CYP7B1: variants seen among roughly 807,000 people sequenced by gnomAD.
CYP7B1 encodes the protein cytochrome P450 7B1.
CYP7B1 carries 29 observed loss-of-function variants against 42.7 expected under a neutral mutation model. That is an observed-to-expected ratio of 0.68 (90% confidence interval 0.51 to 0.93). The LOEUF (loss-of-function observed/expected upper bound fraction) is 0.93, where lower values mean the gene tolerates loss of function less well. Among genes scored for constraint, CYP7B1 ranks in the 40% least tolerant of loss-of-function variants. The pLI, the probability that CYP7B1 is intolerant of heterozygous loss-of-function variation, is 0.00. For synonymous variants in CYP7B1, 235 were observed against 218.2 expected, an observed-to-expected ratio of 1.08 and a Z score of -0.68; for missense variants, 655 against 600.5, an observed-to-expected ratio of 1.09 and a Z score of -0.95.
At chr8:64,625,983 G>A (rs1324746828) in intron 1 of CYP7B1, among the ~76,000 whole-genome samples, 1 of 152,014 alleles carries the variant, frequency 6.6e-6, no homozygotes, top group Non-Finnish European at 1.5e-5. Flanking sequence ...ATGGAGATGT[G>A]TTCTTTAGGA....
intron 1 of CYP7B1, among the ~76,000 whole-genome samples, chr8:64,643,970 T>C (rs1805907228): frequency 6.6e-6 from 1 of 152,166 alleles, no homozygotes; most frequent in Non-Finnish European, 1.5e-5. Flanking sequence ...ATTGAACCTC[T>C]CAAAGTCACC....
At chr8:64,662,018 G>T (rs953601218) in intron 1 of CYP7B1, among the ~76,000 whole-genome samples, 6 of 151,880 alleles carry the variant, frequency 4.0e-5, no homozygotes, top group African/African-American at 1.5e-4. Context: ...CACAAGGCAT[G>T]GCCCTAGCTT....
rs1181731866 is a variant in CYP7B1 at position 64,737,178 on chromosome 8, C to CTGG, written c.122+61287_122+61288insCCA. Among the ~76,000 whole-genome samples the CTGG allele has an allele frequency of 1.9e-4, 29 of 152,190 alleles. 1 individual carries two copies. Among genetic ancestry groups the CTGG allele is most frequent in the Non-Finnish European group, 2.9e-5 (2 of 68,046 alleles). On this transcript the variant is annotated intron_variant, in intron 1 of 5. Transcript: ENST00000310193. ...AGTGCAATGATATGATCATAGCTCA[C>CTGG]TGCAACCTTGAACTCCTGGACTCAA...
Position 64,683,715 on chromosome 8 carries a change from T to C in CYP7B1, c.123-59176A>G, listed in dbSNP as rs80144342. ...GCATCAAAGCATCCTGTGTACCCTA[T>C]AAATATATACACCTACTATGTACCC... On this transcript the variant is annotated intron_variant, in intron 1 of 5. Transcript: ENST00000310193. Among the ~76,000 whole-genome samples, 1,514 of 152,288 alleles carry C rather than the reference T, an allele frequency of 9.9e-3. 41 individuals carry two copies. Among genetic ancestry groups the C allele is most frequent in the East Asian group, 0.082 (423 of 5,190 alleles).
chr8:64,687,482 GA>G (rs1806673547), intron 1 of CYP7B1, among the ~76,000 whole-genome samples: 1 of 152,092 alleles, frequency 6.6e-6, no homozygotes, highest in Non-Finnish European at 1.5e-5. Flanking sequence ...GTTCTAAAAT[GA>G]AAATGTTCTA....
chr8:64,794,439 A>C (rs545258361), intron 1 of CYP7B1, among the ~76,000 whole-genome samples: 97 of 152,338 alleles, frequency 6.4e-4, no homozygotes, highest in Middle Eastern at 3.4e-3. Flanking sequence ...ACTTATAAAC[A>C]GCAGAGATTT....
intron 1 of CYP7B1, among the ~76,000 whole-genome samples, chr8:64,707,293 A>T (rs982836551): frequency 6.6e-6 from 1 of 152,116 alleles, no homozygotes; most frequent in African/African-American, 2.4e-5. Context: ...ATGCCTGTGT[A>T]ATTCAAGGCC....
At chr8:64,788,373 T>C (rs1393676688) in intron 1 of CYP7B1, among the ~76,000 whole-genome samples, 1 of 152,190 alleles carries the variant, frequency 6.6e-6, no homozygotes, top group Non-Finnish European at 1.5e-5. Flanking sequence ...AAAATATCAC[T>C]TCAACCAGGG....
chr8:64,771,363 T>C (rs1200064300), intron 1 of CYP7B1, among the ~76,000 whole-genome samples: 1 of 152,076 alleles, frequency 6.6e-6, no homozygotes, highest in Non-Finnish European at 1.5e-5. Context: ...CCCAGCCTCA[T>C]TCTTTTTAAA....
intron 1 of CYP7B1, among the ~76,000 whole-genome samples, chr8:64,712,861 A>C (rs1410707645): frequency 6.6e-6 from 1 of 151,920 alleles, no homozygotes; most frequent in African/African-American, 2.4e-5. Context: ...AGAGAAGAAA[A>C]TGTTGTATGA....
At chr8:64,751,630 C>T (rs769185170) in intron 1 of CYP7B1, among the ~76,000 whole-genome samples, 1 of 152,150 alleles carries the variant, frequency 6.6e-6, no homozygotes, top group Non-Finnish European at 1.5e-5. Flanking sequence ...CTTAGTCAAA[C>T]GGCATGCATG....
chr8:64,793,963 C>CAAA (rs56265041), intron 1 of CYP7B1, among the ~76,000 whole-genome samples: 2 of 143,396 alleles, frequency 1.4e-5, no homozygotes, highest in South Asian at 2.2e-4. Flanking sequence ...AAATACGAAA[C>CAAA]AAAAAAAAAA....
intron 1 of CYP7B1, among the ~76,000 whole-genome samples, chr8:64,695,561 G>A (rs1806811643): frequency 7.0e-6 from 1 of 143,254 alleles, no homozygotes; most frequent in African/African-American, 2.6e-5. Context: ...TAAAAGTTGT[G>A]CACTTTTTAA....
At chr8:64,610,077 C>G (rs1461337099) in intron 4 of CYP7B1, among the ~76,000 whole-genome samples, 1 of 152,184 alleles carries the variant, frequency 6.6e-6, no homozygotes, top group Non-Finnish European at 1.5e-5. Flanking sequence ...TGCTGAGTCA[C>G]ATGTTTCTCA....
chr8:64,611,821 T>C (rs576715153), intron 4 of CYP7B1, among the ~76,000 whole-genome samples: 26 of 152,250 alleles, frequency 1.7e-4, no homozygotes, highest in African/African-American at 6.3e-4. Context: ...TGGTGAGTCA[T>C]CGAAAGAGCG....
chr8:64,785,380 C>T (rs1804506871), intron 1 of CYP7B1, among the ~76,000 whole-genome samples: 1 of 152,220 alleles, frequency 6.6e-6, no homozygotes, highest in South Asian at 2.1e-4. Flanking sequence ...GAGTTCAAAA[C>T]TGAAGTCCAC....
intron 5 of CYP7B1, among the ~76,000 whole-genome samples, 173 bp downstream of exon 5, chr8:64,604,507 CTT>C (rs1350534991): frequency 6.6e-6 from 1 of 152,148 alleles, no homozygotes; most frequent in East Asian, 1.9e-4. Context: ...CAAAGATATC[CTT>C]AGGGAACACT....
intron 1 of CYP7B1, among the ~76,000 whole-genome samples, chr8:64,756,198 C>T (rs148399186): frequency 6.6e-5 from 10 of 152,254 alleles, no homozygotes; most frequent in Admixed American, 2.0e-4. Flanking sequence ...ATGGAATGAA[C>T]TCTTTCTTGG....
intron 5 of CYP7B1, among the ~76,000 whole-genome samples, chr8:64,598,181 G>T (rs1296115408): frequency 6.6e-6 from 1 of 152,132 alleles, no homozygotes; most frequent in Non-Finnish European, 1.5e-5. Flanking sequence ...AAATTTATCT[G>T]CATTTTTATA....
Sources: gnomAD v4.1 joint callset for allele counts (sites outside exome capture counted in the v4.1 genomes callset) on GRCh38, gnomAD v4.1.1 for gene constraint, MANE v1.5 for transcripts, NCBI Gene and HGNC (gene_info 2026-07-23, HGNC 2026-07-21) for gene names.